ASIC2: variants seen among roughly 807,000 people sequenced by gnomAD.
The protein encoded by ASIC2 is acid-sensing ion channel 2.
A neutral mutation model predicts 57.3 loss-of-function variants in ASIC2; 25 were observed. That is an observed-to-expected ratio of 0.44 (90% CI 0.32 to 0.61). The LOEUF is 0.61. Among genes scored for constraint, ASIC2 ranks in the 20% least tolerant of loss-of-function variants. The pLI is 0.06. For missense variants in ASIC2, 641 were observed against 738.1 expected (o/e 0.87, Z 1.52); for synonymous variants, 319 against 307.5 (o/e 1.04, Z -0.39).
At chr17:33,136,162 G>A (rs2092366269) in intron 1 of ASIC2, among the ~76,000 whole-genome samples, 1 of 152,218 alleles carries the variant, frequency 6.6e-6, no homozygotes. Flanking sequence ...GGGTGTGGAT[G>A]TGTCTGTGTG....
At chr17:33,922,826 C>T (rs1915735096) in intron 1 of ASIC2, among the ~76,000 whole-genome samples, 1 of 152,120 alleles carries the variant, frequency 6.6e-6, no homozygotes, top group African/African-American at 2.4e-5. Flanking sequence ...GCCACCATCT[C>T]ACGAATGGCA....
intron 1 of ASIC2, chr17:34,002,994 A>AT (rs1906394915): frequency 6.6e-6 from 1 of 152,252 alleles, no homozygotes. Context: ...AAAGGAATGA[A>AT]TGATGCCTAT....
chr17:33,097,690 A>C (rs1382342931), intron 2 of ASIC2, among the ~76,000 whole-genome samples: 2 of 152,188 alleles, frequency 1.3e-5, no homozygotes. Context: ...CTGGACAGGG[A>C]AGGATGGGGA....
intron 1 of ASIC2, among the ~76,000 whole-genome samples, chr17:34,138,140 T>C (rs1050025068): frequency 1.3e-5 from 2 of 151,418 alleles, no homozygotes; most frequent in African/African-American, 4.9e-5. Flanking sequence ...AATAGGGGAG[T>C]GCACGAGACC....
chr17:33,387,264 G>A (rs767521553), intron 1 of ASIC2, among the ~76,000 whole-genome samples: 1 of 152,180 alleles, frequency 6.6e-6, no homozygotes, highest in Non-Finnish European at 1.5e-5. Context: ...TTTTATAGAT[G>A]AAGAAATTGA....
chr17:34,065,071 G>A (rs921063178), intron 1 of ASIC2, among the ~76,000 whole-genome samples: 9 of 152,138 alleles, frequency 5.9e-5, no homozygotes, highest in Admixed American at 2.0e-4. Flanking sequence ...GAACATACTT[G>A]CATATGCATG....
In ASIC2 at chr17:33,529,355, G is replaced by A. The variant is rs371180178; in HGVS notation, c.556-417288C>T. On this transcript the variant is annotated intron_variant, in intron 1 of 9. Transcript: ENST00000359872. Reference sequence around the variant, plus strand: ...CCTGGCTGATTCTGTGGTACACCTGGGGCTGAGAACCACCAAGGATGGTAC... The same window carrying A: ...CCTGGCTGATTCTGTGGTACACCTGAGGCTGAGAACCACCAAGGATGGTAC... 5.3e-5 allele frequency among the ~76,000 whole-genome samples: 8 copies of A among 152,184 alleles called. No individual in the cohort carries two copies. In the South Asian group the frequency reaches 1.7e-3, roughly 32 times the overall value.
intron 1 of ASIC2, among the ~76,000 whole-genome samples, chr17:33,879,863 C>T (rs540911752): frequency 2.5e-4 from 38 of 152,336 alleles, no homozygotes; most frequent in Non-Finnish European, 4.9e-4. Context: ...AAGTAAAGCT[C>T]TCCTCAGAAA....
intron 1 of ASIC2, among the ~76,000 whole-genome samples, chr17:33,511,980 GCTGCC>G: frequency 6.6e-6 from 1 of 152,276 alleles, no homozygotes; most frequent in Non-Finnish European, 1.5e-5. Context: ...CTCACCTAGG[GCTGCC>G]CAGCCCTTGT....
chr17:33,664,392 A>G (rs1907402266), intron 1 of ASIC2, among the ~76,000 whole-genome samples: 1 of 152,176 alleles, frequency 6.6e-6, no homozygotes, highest in African/African-American at 2.4e-5. Context: ...ATACTGAAAC[A>G]TTCATTCGTG....
At chr17:33,388,372 C>A (rs1244368950) in intron 1 of ASIC2, among the ~76,000 whole-genome samples, 9 of 152,220 alleles carry the variant, frequency 5.9e-5, no homozygotes. Flanking sequence ...TTAAGCCCCT[C>A]ACTACATGTG....
intron 1 of ASIC2, among the ~76,000 whole-genome samples, chr17:33,518,052 A>G (rs1914628010): frequency 6.6e-6 from 1 of 152,088 alleles, no homozygotes; most frequent in Non-Finnish European, 1.5e-5. Context: ...CATCCTCTTG[A>G]ACACAAATAT....
intron 1 of ASIC2, among the ~76,000 whole-genome samples, chr17:33,138,192 C>T (rs2092373549): frequency 6.6e-6 from 1 of 152,008 alleles, no homozygotes; most frequent in Non-Finnish European, 1.5e-5. Flanking sequence ...GCTTTAGATA[C>T]AAAGTGCCAG....
chr17:33,889,997 C>T (rs1914924613), intron 1 of ASIC2, among the ~76,000 whole-genome samples: 1 of 152,134 alleles, frequency 6.6e-6, no homozygotes, highest in African/African-American at 2.4e-5. Context: ...CAGGGTGAGG[C>T]CATGTTCCAT....
Position 33,769,359 on chromosome 17 carries a change from A to G in ASIC2, c.555+386619T>C, listed in dbSNP as rs187243386. On this transcript the variant is annotated intron_variant, in intron 1 of 9. Transcript: ENST00000359872. ...TTGCTCCTGTGTCAGCAGAGCAGCCAACTAGATCCCACACTTACTCCCTCA... is the reference window on the plus strand; with the variant it reads ...TTGCTCCTGTGTCAGCAGAGCAGCCGACTAGATCCCACACTTACTCCCTCA... 3.0e-3 allele frequency among the ~76,000 whole-genome samples: 451 copies of G among 152,302 alleles called. 3 individuals carry two copies. The highest frequency in any genetic ancestry group is 0.01 in the African/African-American group (435 of 41,574).
intron 1 of ASIC2, among the ~76,000 whole-genome samples, chr17:33,753,002 T>C (rs1397815985): frequency 6.6e-6 from 1 of 152,178 alleles, no homozygotes; most frequent in Non-Finnish European, 1.5e-5. Flanking sequence ...TGCACACAAA[T>C]GTTTATAGCA....
rs1369684441 is a variant in ASIC2, at chr17:33,030,309, C to A, written c.988-1917G>T. Among the ~76,000 whole-genome samples the A allele has an allele frequency of 8.5e-5, 13 of 152,250 alleles. No homozygotes were observed. The East Asian group carries it at 2.5e-3, about 29-fold the overall frequency. On this transcript the variant is annotated intron_variant, in intron 3 of 9. Coordinates refer to ENST00000225823, the MANE Select transcript of ASIC2 (RefSeq NM_183377.2). Reference sequence around the variant, plus strand: ...CAACCCTCAGGCAACCCCCAATATGCTTTCTGTTGTTATAAACTAGATTTG... The same window carrying A: ...CAACCCTCAGGCAACCCCCAATATGATTTCTGTTGTTATAAACTAGATTTG...
At chr17:33,050,702 T>C (rs2091971639) in intron 3 of ASIC2, among the ~76,000 whole-genome samples, 1 of 152,148 alleles carries the variant, frequency 6.6e-6, no homozygotes, top group Admixed American at 6.5e-5. Flanking sequence ...TCCCGGGTGC[T>C]CACTTTTCAA....
At chr17:33,538,842 T>C (rs1188335091) in intron 1 of ASIC2, among the ~76,000 whole-genome samples, 1 of 152,238 alleles carries the variant, frequency 6.6e-6, no homozygotes, top group Non-Finnish European at 1.5e-5. Context: ...CAGGTAGATT[T>C]AGAAATAGAA....
Sources: gnomAD v4.1 joint callset for allele counts (sites outside exome capture counted in the v4.1 genomes callset) on GRCh38, gnomAD v4.1.1 for gene constraint, MANE v1.5 for transcripts, NCBI Gene and HGNC (gene_info 2026-07-23, HGNC 2026-07-21) for gene names.